The following SPATA7 variants were observed in gnomAD, a reference collection of about 807,000 sequenced individuals.
SPATA7 encodes spermatogenesis-associated protein 7.
SPATA7 carries 43 observed loss-of-function variants against 51.8 expected under a neutral mutation model. The observed-to-expected ratio is 0.83, with a 90% CI of 0.65 to 1.07. The LOEUF (loss-of-function observed/expected upper bound fraction) is 1.07, where lower values mean the gene tolerates loss of function less well. Ranked by LOEUF, SPATA7 falls within the 50% of genes least tolerant of loss-of-function variation. The probability of loss-of-function intolerance (pLI) is 0.00; values close to 1 mark genes in which losing one functional copy is unlikely to be tolerated. For synonymous variants in SPATA7, 230 were observed against 252.8 expected, an observed-to-expected ratio of 0.91 and a Z score of 0.86; for missense variants, 683 against 701.3, an observed-to-expected ratio of 0.97 and a Z score of 0.30.
chr14:88,429,463 G>A lies in SPATA7; in HGVS notation c.1028G>A (p.Arg343Lys). 2 of 1,580,600 alleles carry A rather than the reference G, an allele frequency of 1.3e-6. No homozygotes were observed. Among genetic ancestry groups the A allele is most frequent in the South Asian group, 1.1e-5 (1 of 90,296 alleles). The change falls in exon 8 of 12, where the codon AGG (arginine) becomes AAG (lysine). Residue 343 changes from arginine (R) to lysine (K), a missense_variant and splice_region_variant. Transcript: ENST00000393545. Reference sequence around the variant, plus strand: ...GATGCTCTTCAGCATTCCTCACCAAGGTAAACAGTTCACAGGAGAAATAAT... The same window carrying A: ...GATGCTCTTCAGCATTCCTCACCAAAGTAAACAGTTCACAGGAGAAATAAT... Reference protein sequence around the residue: ...KDDALQHSSPRAMCQYSLKPP... With the variant: ...KDDALQHSSPKAMCQYSLKPP...
chr14:88,451,648 C>T (rs1049107508), intron 3 of SPATA7, among the ~76,000 whole-genome samples: 1 of 151,924 alleles, frequency 6.6e-6, no homozygotes, highest in Non-Finnish European at 1.5e-5. Flanking sequence ...CTTCAGCCTC[C>T]CCAGTAGCTG....
intron 6 of SPATA7, among the ~76,000 whole-genome samples, chr14:88,427,036 A>C (rs917201856): frequency 6.6e-5 from 10 of 152,230 alleles, no homozygotes; most frequent in Non-Finnish European, 7.3e-5. Flanking sequence ...GGAAATATGC[A>C]TATTGATTCA....
Position 88,433,144 on chromosome 14 carries a change from A to G in SPATA7, c.1092A>G (p.Glu364=). Residue 364 remains glutamate (E), a synonymous_variant, in exon 10 of 12, where the codon GAA becomes GAG. Transcript: ENST00000393545. ...STRKIYSDEE[E]LLYLSFIEDV... ...TGCCTTCCTTTTACAGTGAAGAAGA[A>G]CTGTTGTATCTGAGTTTCATTGAAG... 1 of 1,611,446 alleles carries G rather than the reference A, an allele frequency of 6.2e-7. No homozygotes were observed. Among genetic ancestry groups the G allele is most frequent in the East Asian group, 2.2e-5 (1 of 44,668 alleles).
At chr14:88,410,365 T>C (rs1269571909) in intron 4 of SPATA7, among the ~76,000 whole-genome samples, 1 of 152,162 alleles carries the variant, frequency 6.6e-6, no homozygotes, top group Non-Finnish European at 1.5e-5. Context: ...GTCTTTTTTT[T>C]ATCTTTGTTG....
At chr14:88,451,650 C>T (rs573236639) in intron 3 of SPATA7, among the ~76,000 whole-genome samples, 1 of 151,872 alleles carries the variant, frequency 6.6e-6, no homozygotes, top group Admixed American at 6.6e-5. Context: ...TCAGCCTCCC[C>T]AGTAGCTGGG....
At chr14:88,466,993 A>G (rs1408101395) in intron 4 of SPATA7, 1 of 152,236 alleles carries the variant, frequency 6.6e-6, no homozygotes, top group African/African-American at 2.4e-5. Context: ...AAAAGCCCCA[A>G]GGAAACGGAG....
intron 2 of SPATA7, 138 bp downstream of exon 2, chr14:88,391,593 TA>T: frequency 1.3e-6 from 1 of 764,656 alleles, no homozygotes; most frequent in Non-Finnish European, 2.2e-6. Flanking sequence ...TTTAATGAAA[TA>T]TAGGCGTTCT....
intron 4 of SPATA7, among the ~76,000 whole-genome samples, chr14:88,411,617 T>C (rs1475048428): frequency 1.3e-5 from 2 of 152,130 alleles, no homozygotes; most frequent in African/African-American, 4.8e-5. Context: ...TTCCCTTGGC[T>C]AGGGGAAGGA....
intron 4 of SPATA7, among the ~76,000 whole-genome samples, chr14:88,411,318 G>A (rs889146399): frequency 6.6e-6 from 1 of 152,192 alleles, no homozygotes; most frequent in Non-Finnish European, 1.5e-5. Context: ...CTATGGGGTG[G>A]AATATGCTGA....
chr14:88,462,292 T>G (rs993091813), intron 4 of SPATA7, among the ~76,000 whole-genome samples: 6 of 152,228 alleles, frequency 3.9e-5, no homozygotes, highest in African/African-American at 1.4e-4. Flanking sequence ...TTTGTTCAGT[T>G]TTTCTCAGCT....
At chr14:88,429,137 T>C in intron 7 of SPATA7, 1 of 352,188 alleles carries the variant, frequency 2.8e-6, no homozygotes, top group South Asian at 4.1e-5. Context: ...ATGCCACTCA[T>C]TAAAATACAA....
chr14:88,468,017 T>TA (rs2077391517), intron 4 of SPATA7: 10 of 1,286,254 alleles, frequency 7.8e-6, no homozygotes, highest in African/African-American at 1.5e-5. Flanking sequence ...CTGCGCCACT[T>TA]ACGTCCCAGT....
chr14:88,415,862 G>C (rs1366259896), intron 4 of SPATA7: 1 of 152,226 alleles, frequency 6.6e-6, no homozygotes, highest in East Asian at 1.9e-4. Flanking sequence ...GTTGGCGCCT[G>C]ATGGGAGGTG....
At chr14:88,386,253 C>T (rs1397974473) in intron 1 of SPATA7, among the ~76,000 whole-genome samples, 2 of 152,096 alleles carry the variant, frequency 1.3e-5, no homozygotes, top group Middle Eastern at 3.2e-3. Context: ...AATACCCAGG[C>T]CATGGAGTTC....
chr14:88,402,295 A>G (rs1051316990), intron 4 of SPATA7, among the ~76,000 whole-genome samples: 2 of 152,190 alleles, frequency 1.3e-5, no homozygotes, highest in African/African-American at 4.8e-5. Flanking sequence ...AGAACAAACA[A>G]TCGTAAAATT....
At chr14:88,422,075 C>T (rs1487257660) in intron 5 of SPATA7, among the ~76,000 whole-genome samples, 4 of 151,948 alleles carry the variant, frequency 2.6e-5, no homozygotes, top group African/African-American at 9.7e-5. Context: ...ATATATCATT[C>T]ACAGAAATAT....
chr14:88,451,727 G>A (rs901082173), intron 3 of SPATA7, among the ~76,000 whole-genome samples: 2 of 151,936 alleles, frequency 1.3e-5, no homozygotes, highest in African/African-American at 2.4e-5. Context: ...GTTTTGCCAC[G>A]TTGGCCAGGC....
intron 2 of SPATA7, 113 bp downstream of exon 2, chr14:88,391,568 C>T (rs563362176): frequency 2.3e-6 from 2 of 860,904 alleles, no homozygotes; most frequent in Non-Finnish European, 1.9e-6. Flanking sequence ...AATATTTGAA[C>T]TTCATATTAT....
At chr14:88,399,000 C>T (rs1476390224) in intron 4 of SPATA7, among the ~76,000 whole-genome samples, 2 of 147,614 alleles carry the variant, frequency 1.4e-5, no homozygotes, top group African/African-American at 2.5e-5. Context: ...TGCAGTGAGC[C>T]GAGATGATGC....
Sources: allele counts gnomAD v4.1 joint callset (sites outside exome capture counted in the v4.1 genomes callset), GRCh38; gene constraint gnomAD v4.1.1; transcripts MANE v1.5; gene names NCBI Gene and HGNC (gene_info 2026-07-23, HGNC 2026-07-21).